The following SP140 variants were observed in gnomAD, a reference collection of about 807,000 sequenced individuals.
The protein encoded by SP140 is SP140 nuclear body protein, also known as nuclear body protein SP140.
Under a neutral mutation model 125.0 loss-of-function variants are expected in SP140, and 81 were observed. The ratio of observed to expected loss-of-function variants is 0.65; its 90% confidence interval spans 0.54 to 0.78. The LOEUF is 0.78. SP140 is among the 30% of genes least tolerant of loss of function. The pLI, the probability that SP140 is intolerant of heterozygous loss-of-function variation, is 0.00. For missense variants in SP140, 858 were observed against 1,037.0 expected (o/e 0.83, Z 2.37); for synonymous variants, 312 against 354.0 (o/e 0.88, Z 1.33).
At chr2:230,265,891 G>A (rs2053043326) in intron 12 of SP140, among the ~76,000 whole-genome samples, 3 of 151,944 alleles carry the variant, frequency 2.0e-5, no homozygotes, top group Admixed American at 1.3e-4. Context: ...TTTTATGTAC[G>A]TATAAAAGAA....
At chr2:230,223,123 G>A (rs2045959963), upstream of SP140, among the ~76,000 whole-genome samples, 1 of 150,330 alleles carries the variant, frequency 6.7e-6, no homozygotes, top group South Asian at 2.1e-4. Flanking sequence ...TGCAACCTCC[G>A]CCTCCCAGGT....
At chr2:230,254,790 C>CA (rs760443519) in intron 11 of SP140, among the ~76,000 whole-genome samples, 1 of 152,192 alleles carries the variant, frequency 6.6e-6, no homozygotes, top group Non-Finnish European at 1.5e-5. Flanking sequence ...CTGTGGCTTC[C>CA]ACCCTTCATG....
rs748580420 is a variant in SP140 at position 230,211,449 on chromosome 2, G to A, written c.-322-2205G>A. 15 of 1,482,864 alleles carry A rather than the reference G, an allele frequency of 1.0e-5. No homozygotes were observed. The South Asian group carries it at 1.0e-4, about 10-fold the overall frequency. The allele number at this position is 1,482,864 out of a possible 1,614,324, so 91.9% of individuals were successfully genotyped here. The stretch of plus-strand genomic sequence containing the variant: ...ACACAGAAACAAAGGCAAGCTTTTA[G>A]GTTGACCAAACCAAGATTACCTGGC... On this transcript the variant is annotated intron_variant, in intron 1 of 4. Transcript: ENST00000456542. The surrounding 1 kb of genome is among the most constrained non-coding windows in gnomAD (Gnocchi z 4.2).
At chr2:230,258,577 A>G (rs1439082384) in intron 12 of SP140, among the ~76,000 whole-genome samples, 1 of 152,220 alleles carries the variant, frequency 6.6e-6, no homozygotes, top group East Asian at 1.9e-4. Context: ...AACAAAAGAC[A>G]TTCTTCTAAT....
intron 15 of SP140, among the ~76,000 whole-genome samples, chr2:230,272,534 CT>C (rs2054085615): frequency 1.3e-5 from 2 of 152,184 alleles, no homozygotes; most frequent in African/African-American, 4.8e-5. Context: ...CACAAGCTCT[CT>C]CTCTTTGCCT....
chr2:230,207,995 T>C, intron 1 of SP140: 2 of 1,534,516 alleles, frequency 1.3e-6, no homozygotes, highest in Non-Finnish European at 1.8e-6. Flanking sequence ...TCTTACCTCC[T>C]GGGAGGCTTT....
At chr2:230,311,783 C>T (rs2059351530) in intron 26 of SP140, among the ~76,000 whole-genome samples, 188 bp downstream of exon 26, 1 of 152,230 alleles carries the variant, frequency 6.6e-6, no homozygotes, top group African/African-American at 2.4e-5. Flanking sequence ...CAAAAGGTGT[C>T]CCTGCAACCA....
chr2:230,210,052 A>G, intron 1 of SP140: 1 of 1,197,794 alleles, frequency 8.3e-7, no homozygotes, highest in Non-Finnish European at 1.2e-6. Flanking sequence ...AGATCCAGTG[A>G]AGAGAAAGTG....
chr2:230,296,826 G>T (rs901197991), intron 21 of SP140, among the ~76,000 whole-genome samples: 1 of 152,214 alleles, frequency 6.6e-6, no homozygotes, highest in South Asian at 2.1e-4. Flanking sequence ...GACAAGTAGA[G>T]CTTCTCTGAC....
chr2:230,271,666 T>G (rs1244621459), intron 15 of SP140, among the ~76,000 whole-genome samples: 1 of 152,122 alleles, frequency 6.6e-6, no homozygotes, highest in African/African-American at 2.4e-5. Flanking sequence ...CTTTTGCTAA[T>G]TATAGTAAAA....
At chr2:230,299,468 C>G (rs955370058) in intron 22 of SP140, among the ~76,000 whole-genome samples, 2 of 152,198 alleles carry the variant, frequency 1.3e-5, no homozygotes, top group Admixed American at 6.5e-5. Context: ...CCCAGGGAAG[C>G]CATTTCTGAC....
At chr2:230,299,731 A>G (rs1204664226) in intron 22 of SP140, among the ~76,000 whole-genome samples, 1 of 152,164 alleles carries the variant, frequency 6.6e-6, no homozygotes, top group African/African-American at 2.4e-5. Flanking sequence ...AGCTCCAGGC[A>G]AAGGATGCCT....
upstream of SP140, chr2:230,225,665 A>T (rs2046223508): frequency 4.5e-6 from 3 of 665,242 alleles, no homozygotes; most frequent in South Asian, 5.0e-5. Context: ...GAGAGACGTC[A>T]TGGAGATTGG....
chr2:230,311,122 T>C, intron 24 of SP140, 32 bp from the exon 25 acceptor site: 4 of 1,609,378 alleles, frequency 2.5e-6, no homozygotes, highest in Non-Finnish European at 3.4e-6. Context: ...CTCTCCAAGC[T>C]GCTTTTCATT....
intron 22 of SP140, among the ~76,000 whole-genome samples, chr2:230,301,288 A>C (rs2058261725): frequency 2.0e-5 from 3 of 152,244 alleles, no homozygotes; most frequent in Admixed American, 2.0e-4. Flanking sequence ...AAGAAGCTCA[A>C]AGAACATCTG....
At chr2:230,221,716 C>G, upstream of SP140, 1 of 1,536,038 alleles carries the variant, frequency 6.5e-7, no homozygotes, top group South Asian at 1.2e-5. Context: ...TGAAGCCCCT[C>G]CCCATCACCT....
At chr2:230,274,100 A>G (rs1396454637) in intron 15 of SP140, among the ~76,000 whole-genome samples, 1 of 138,816 alleles carries the variant, frequency 7.2e-6, no homozygotes, top group African/African-American at 2.8e-5. Flanking sequence ...TATATCCTTG[A>G]ACTTAAAGTA....
At chr2:230,310,460 G>T in intron 23 of SP140, 3 of 669,460 alleles carry the variant, frequency 4.5e-6, no homozygotes, top group Non-Finnish European at 2.4e-6. Flanking sequence ...AGGCCTGACA[G>T]ACAGGGTTCC....
At chr2:230,207,409 A>G (rs1468346624) in intron 1 of SP140, among the ~76,000 whole-genome samples, 1 of 152,108 alleles carries the variant, frequency 6.6e-6, no homozygotes, top group East Asian at 1.9e-4. Context: ...CAGCACTCAT[A>G]TATATAAGGA....
Sources: gnomAD v4.1 joint callset for allele counts (sites outside exome capture counted in the v4.1 genomes callset) on GRCh38, gnomAD v4.1.1 for gene constraint, Gnocchi (gnomAD v3.1) non-coding constraint, MANE v1.5 for transcripts, NCBI Gene and HGNC (gene_info 2026-07-23, HGNC 2026-07-21) for gene names.